Variants in PACRG observed in about 807,000 individuals in gnomAD.
PACRG encodes the protein parkin coregulated, also known as parkin coregulated gene protein.
In PACRG, 29 loss-of-function variants were observed where a neutral mutation model predicts 29.7. The ratio of observed to expected loss-of-function variants is 0.98; its 90% confidence interval spans 0.73 to 1.33. The LOEUF is 1.33. PACRG is among the 40% of genes most tolerant of loss of function. The probability of loss-of-function intolerance (pLI) is 0.00; values close to 1 mark genes in which losing one functional copy is unlikely to be tolerated. For missense variants in PACRG, 279 were observed against 316.2 expected (o/e 0.88, Z 0.89); for synonymous variants, 116 against 118.7 (o/e 0.98, Z 0.15).
chr6:163,248,362 G>A (rs567686025), intron 4 of PACRG, among the ~76,000 whole-genome samples: 1 of 150,818 alleles, frequency 6.6e-6, no homozygotes, highest in South Asian at 2.1e-4. Context: ...ATTGTGTGGG[G>A]ATTGCTCAGC....
intron 2 of PACRG, among the ~76,000 whole-genome samples, chr6:162,999,244 G>A (rs559400667): frequency 1.3e-5 from 2 of 152,316 alleles, no homozygotes; most frequent in East Asian, 1.9e-4. Flanking sequence ...GTAGGAAGCA[G>A]TCAGGGCATC....
At chr6:162,805,220 C>A (rs1252935639) in intron 1 of PACRG, among the ~76,000 whole-genome samples, 2 of 152,050 alleles carry the variant, frequency 1.3e-5, no homozygotes, top group Admixed American at 1.3e-4. Context: ...AGTTTCAGAC[C>A]ACTGCAATGA....
At chr6:162,823,748 C>T (rs1562634699) in intron 2 of PACRG, among the ~76,000 whole-genome samples, 2 of 152,058 alleles carry the variant, frequency 1.3e-5, no homozygotes, top group African/African-American at 4.8e-5. Context: ...CTCCTGACCT[C>T]GTGATCCGCC....
At chr6:162,894,556 G>A (rs1795023094) in intron 2 of PACRG, among the ~76,000 whole-genome samples, 1 of 152,210 alleles carries the variant, frequency 6.6e-6, no homozygotes, top group Non-Finnish European at 1.5e-5. Flanking sequence ...GGTGCACGCC[G>A]AGCCTGCCTG....
At chr6:162,948,656 T>C (rs893820751) in intron 2 of PACRG, among the ~76,000 whole-genome samples, 4 of 152,030 alleles carry the variant, frequency 2.6e-5, no homozygotes, top group African/African-American at 4.8e-5. Flanking sequence ...AGAACTAATA[T>C]TTAGAACATG....
At chr6:163,189,311 G>A (rs1301571747) in intron 4 of PACRG, 1 of 152,194 alleles carries the variant, frequency 6.6e-6, no homozygotes, top group African/African-American at 2.4e-5. Context: ...AATTCTGTAG[G>A]TGGACATTTA....
chr6:162,995,277 A>C (rs1441341059), intron 2 of PACRG, among the ~76,000 whole-genome samples: 2 of 147,742 alleles, frequency 1.4e-5, no homozygotes. Context: ...ACCCAGTTCG[A>C]GCTTCCCGGC....
intron 4 of PACRG, among the ~76,000 whole-genome samples, chr6:163,128,037 A>G (rs1816586948): frequency 6.6e-6 from 1 of 152,176 alleles, no homozygotes; most frequent in Non-Finnish European, 1.5e-5. Context: ...AAAATTTCCA[A>G]TTTCCAGAAG....
chr6:162,932,223 T>G (rs1258749199), intron 2 of PACRG, among the ~76,000 whole-genome samples: 1 of 151,996 alleles, frequency 6.6e-6, no homozygotes, highest in African/African-American at 2.4e-5. Context: ...TTTATTACAT[T>G]TATAGTGACA....
chr6:163,295,220 A>G (rs1252541226), intron 4 of PACRG, among the ~76,000 whole-genome samples: 1 of 152,240 alleles, frequency 6.6e-6, no homozygotes, highest in African/African-American at 2.4e-5. Context: ...ATTCTAGGCT[A>G]CGTGCCTATT....
intron 2 of PACRG, among the ~76,000 whole-genome samples, chr6:162,847,170 C>G (rs1041820722): frequency 6.6e-6 from 1 of 152,246 alleles, no homozygotes; most frequent in Non-Finnish European, 1.5e-5. Flanking sequence ...ACACTGACCA[C>G]CTTACGGGTC....
intron 4 of PACRG, among the ~76,000 whole-genome samples, chr6:163,235,575 C>T (rs529827775): frequency 6.6e-6 from 1 of 152,266 alleles, no homozygotes; most frequent in Admixed American, 6.5e-5. Context: ...TGCCATTCAT[C>T]CCCTGTGTTA....
In PACRG at chr6:163,031,014, G is replaced by A. The variant is rs181697602; in HGVS notation, c.292-31136G>A. On this transcript the variant is annotated intron_variant, in intron 2 of 4. Coordinates refer to ENST00000366888, the MANE Select transcript of PACRG (RefSeq NM_001080379.2). ...AGTAGCTTCTTCAAGCTGAATAGGC[G>A]CAATGATATTCCTGCCTAACTTCTA... is the stretch of plus-strand genomic sequence containing the variant. 7.2e-5 allele frequency among the ~76,000 whole-genome samples: 11 copies of A among 152,220 alleles called. No individual in the cohort carries two copies. In the East Asian group the frequency reaches 1.2e-3, roughly 16 times the overall value.
At chr6:163,031,769 A>G (rs1807688593) in intron 2 of PACRG, among the ~76,000 whole-genome samples, 1 of 152,146 alleles carries the variant, frequency 6.6e-6, no homozygotes, top group South Asian at 2.1e-4. Context: ...GAGTTGGGTA[A>G]ATTCCTTTTT....
chr6:163,248,784 G>C (rs1230417132), intron 4 of PACRG, among the ~76,000 whole-genome samples: 1 of 152,108 alleles, frequency 6.6e-6, no homozygotes, highest in Non-Finnish European at 1.5e-5. Context: ...GGAGGCCAAG[G>C]CGGCCAGATC....
In PACRG at chr6:163,104,813, G is replaced by A. The variant is rs58475532; in HGVS notation, c.613+15405G>A. Among the ~76,000 whole-genome samples, 779 of 152,116 alleles carry A rather than the reference G, an allele frequency of 5.1e-3. 12 individuals are homozygous for A. The highest frequency in any genetic ancestry group is 0.018 in the African/African-American group (729 of 41,514). ...CCAACAATTCTCCCAAATATAATAG[G>A]TAAACACATTAAAAATTGCTCTTGC... On this transcript the variant is annotated intron_variant, in intron 4 of 4. Transcript: ENST00000366888.
intron 2 of PACRG, among the ~76,000 whole-genome samples, chr6:162,929,717 A>C (rs1797709249): frequency 6.6e-6 from 1 of 152,004 alleles, no homozygotes; most frequent in Non-Finnish European, 1.5e-5. Flanking sequence ...TTGGGGTCTT[A>C]AATTTAAGCC....
intron 4 of PACRG, among the ~76,000 whole-genome samples, chr6:163,104,837 G>A (rs114838373): frequency 0.012 from 1,817 of 152,214 alleles, 22 homozygotes; most frequent in African/African-American, 0.041. Flanking sequence ...AATTGCTCTT[G>A]CCATGTATAC....
intron 2 of PACRG, among the ~76,000 whole-genome samples, chr6:163,054,915 G>GAGGTC (rs1810418020): frequency 6.6e-6 from 1 of 152,284 alleles, no homozygotes; most frequent in Middle Eastern, 3.4e-3. Flanking sequence ...CAGAACCAGC[G>GAGGTC]AGGTCAGGCC....
Sources: allele counts gnomAD v4.1 joint callset (sites outside exome capture counted in the v4.1 genomes callset), GRCh38; gene constraint gnomAD v4.1.1; transcripts MANE v1.5; gene names NCBI Gene and HGNC (gene_info 2026-07-23, HGNC 2026-07-21).